TLR4: variants seen among roughly 807,000 people sequenced by gnomAD.
TLR4 encodes the protein toll like receptor 4, also known as toll-like receptor 4.
TLR4 carries 17 observed loss-of-function variants against 27.4 expected under a neutral mutation model. That is an observed-to-expected ratio of 0.62 (90% CI 0.42 to 0.93). The LOEUF is 0.93. TLR4 is among the 40% of genes least tolerant of loss of function. The pLI, the probability that TLR4 is intolerant of heterozygous loss-of-function variation, is 0.00. For synonymous variants in TLR4, 363 were observed against 365.7 expected, an observed-to-expected ratio of 0.99 and a Z score of 0.08; for missense variants, 926 against 962.3, an observed-to-expected ratio of 0.96 and a Z score of 0.50.
intron 1 of TLR4, among the ~76,000 whole-genome samples, chr9:117,707,254 A>G (rs577526962): frequency 4.6e-5 from 7 of 152,294 alleles, no homozygotes; most frequent in Non-Finnish European, 8.8e-5. Context: ...CAGACATACG[A>G]ATGAAGATCT....
rs1423906207 is a variant in TLR4 at position 117,717,575 on chromosome 9, C to T, written c.*2927C>T. The T allele has an allele frequency of 6.6e-6, 1 of 152,082 alleles. No individual in the cohort carries two copies. The highest frequency in any genetic ancestry group is 1.5e-5 in the Non-Finnish European group (1 of 68,012). The allele number at this position is 152,082 out of a possible 1,614,324, so 9.4% of individuals were successfully genotyped here. The stretch of plus-strand genomic sequence containing the variant: ...AGTGAAACTGTGGATAAGTGAGGAA[C>T]TAACATACATACATGATTGTTTATC... On this transcript the variant is annotated 3_prime_UTR_variant, in exon 3 of 3. Coordinates refer to ENST00000355622, the MANE Select transcript of TLR4 (RefSeq NM_138554.5).
At chr9:117,709,491 G>T (rs900052061) in intron 2 of TLR4, among the ~76,000 whole-genome samples, 1 of 152,080 alleles carries the variant, frequency 6.6e-6, no homozygotes, top group Non-Finnish European at 1.5e-5. Context: ...CTTTTCTGAT[G>T]CAGGGAAGTA....
chr9:117,708,986 A>G, intron 2 of TLR4: 1 of 436,250 alleles, frequency 2.3e-6, no homozygotes, highest in Non-Finnish European at 4.2e-6. Flanking sequence ...CTTTTAAGAC[A>G]GGAGAGAAAA....
In TLR4 at chr9:117,714,556, C is replaced by T. The variant is rs199923181; in HGVS notation, c.2428C>T (p.Arg810Ter). The change falls in exon 3 of 3, where the codon CGA becomes TGA. Residue 810 changes from arginine to a stop codon, truncating the protein, a stop_gained. Coordinates refer to ENST00000355622, the MANE Select transcript of TLR4 (RefSeq NM_138554.5). LOFTEE classifies it low-confidence loss of function (END_TRUNC). ...CCTGGGGCGGCACATCTTCTGGAGA[C>T]GACTCAGAAAAGCCCTGCTGGATGG... ...SVLGRHIFWRRLRKALLDGKS... is the reference protein window; with the variant it reads ...SVLGRHIFWR The T allele has an allele frequency of 1.9e-5, 31 of 1,613,648 alleles. No individual in the cohort carries two copies. The highest frequency in any genetic ancestry group is 8.0e-5 in the African/African-American group (6 of 74,856).
rs1179556198 is a variant in TLR4 at position 117,722,068 on chromosome 9, A to T, written c.*7420A>T. 6.6e-6 allele frequency: 1 copy of T among 152,184 alleles called. No homozygotes were observed. Among genetic ancestry groups the T allele is most frequent in the Non-Finnish European group, 1.5e-5 (1 of 68,036 alleles). 9.4% of individuals were successfully genotyped at this position (152,184 alleles called of 1,614,324 possible). On this transcript the variant is annotated 3_prime_UTR_variant, in exon 3 of 3. Transcript: ENST00000355622. ...TCATCCTGGGTAGCTGAGACCCCAC[A>T]TAAATATATACCAGAAAAATGTTGT... is the stretch of plus-strand genomic sequence containing the variant.
rs137989969 is a variant in TLR4, at chr9:117,719,063, T to G, written c.*4415T>G. ...ACCAAAGTCTAAGCCAGTGTCTCCATTTACTTGTGTGATTGTGGGCAAGTC... is the reference window on the plus strand; with the variant it reads ...ACCAAAGTCTAAGCCAGTGTCTCCAGTTACTTGTGTGATTGTGGGCAAGTC... On this transcript the variant is annotated 3_prime_UTR_variant, in exon 3 of 3. Coordinates refer to ENST00000355622, the MANE Select transcript of TLR4 (RefSeq NM_138554.5). The G allele has an allele frequency of 3.9e-5, 6 of 152,148 alleles. No individual in the cohort carries two copies. In the East Asian group the frequency reaches 1.2e-3, roughly 29 times the overall value. The allele number at this position is 152,148 out of a possible 1,614,324, so 9.4% of individuals were successfully genotyped here.
At position 117,712,285 on chromosome 9, in the gene TLR4, C is replaced by T; in HGVS notation, c.261-104C>T. 2.6e-6 allele frequency: 3 copies of T among 1,133,572 alleles called. No homozygotes were observed. The East Asian group carries it at 7.7e-5, about 29-fold the overall frequency. 70.2% of individuals were successfully genotyped at this position (1,133,572 alleles called of 1,614,324 possible). A position where few individuals can be genotyped will look rare whatever the true frequency, so the allele number is the denominator to read the frequency against. On this transcript the variant is annotated intron_variant, in intron 2 of 2. Transcript: ENST00000355622. ...TCTTTGCCTATGCACAATCATATGA[C>T]CCATCACATCTGTATGAAGAGCTGG...
intron 2 of TLR4, 58 bp from the exon 3 acceptor site, chr9:117,712,331 A>G: frequency 6.6e-7 from 1 of 1,512,304 alleles, no homozygotes; most frequent in Non-Finnish European, 9.1e-7. Flanking sequence ...TTAATATTCT[A>G]TTTTAGGTTC....
rs201587364 is a variant in TLR4, at chr9:117,714,360, C to T, written c.2232C>T (p.Ser744=). ...IVVVSQHFIQ[S]RWCIFEYEIA... ...TGGTGTCCCAGCACTTCATCCAGAG[C>T]CGCTGGTGTATCTTTGAATATGAGA... The change falls in exon 3 of 3, where the codon AGC becomes AGT. Residue 744 remains serine (S), a synonymous_variant. Transcript: ENST00000355622. 1 of 1,602,352 alleles carries T rather than the reference C, an allele frequency of 6.2e-7. No homozygotes were observed. Among genetic ancestry groups the T allele is most frequent in the Non-Finnish European group, 8.5e-7 (1 of 1,170,186 alleles).
Position 117,712,767 on chromosome 9 carries a change from C to T in TLR4, c.639C>T (p.Asn213=). The part of the protein sequence containing the change: ...LLNLSLDLSL[N]PMNFIQPGAF... ...ATCTCTCTTTAGACCTGTCCCTGAA[C>T]CCTATGAACTTTATCCAACCAGGTG... Residue 213 remains asparagine, a synonymous_variant, in exon 3 of 3, where the codon AAC becomes AAT. Coordinates refer to ENST00000355622, the MANE Select transcript of TLR4 (RefSeq NM_138554.5). 3 of 1,614,012 alleles carry T rather than the reference C, an allele frequency of 1.9e-6. No individual in the cohort carries two copies.
rs756601543 is a variant in TLR4 at position 117,708,560 on chromosome 9, C to T, written c.94-3C>T. On this transcript the variant is annotated splice_region_variant and splice_polypyrimidine_tract_variant and intron_variant, in intron 1 of 2. Transcript: ENST00000355622. ...TACTTCATGTCATGTGTAATCATTG[C>T]AGGTGGTTCCTAATATTACTTATCA... 3.7e-6 allele frequency: 6 copies of T among 1,613,712 alleles called. No homozygotes were observed. The Admixed American group carries it at 8.3e-5, about 22-fold the overall frequency.
Position 117,713,676 on chromosome 9 carries a change from T to C in TLR4, c.1548T>C (p.Phe516=), listed in dbSNP as rs751386104. 4.3e-6 allele frequency: 7 copies of C among 1,614,042 alleles called. No individual in the cohort carries two copies. In the East Asian group the frequency reaches 1.6e-4, roughly 36 times the overall value. Residue 516 remains phenylalanine (F), a synonymous_variant, in exon 3 of 3, where the codon TTT becomes TTC. Coordinates refer to ENST00000355622, the MANE Select transcript of TLR4 (RefSeq NM_138554.5). ...CQLEQLSPTA[F]NSLSSLQVLN... ...TGGAGCAGTTGTCTCCAACAGCATT[T>C]AACTCACTCTCCAGTCTTCAGGTAC...
At chr9:117,707,018 C>T (rs943484072) in intron 1 of TLR4, among the ~76,000 whole-genome samples, 2 of 152,192 alleles carry the variant, frequency 1.3e-5, no homozygotes, top group African/African-American at 4.8e-5. Flanking sequence ...CAACCATTTG[C>T]CAGACACCAT....
Position 117,717,118 on chromosome 9 carries a change from T to C in TLR4, c.*2470T>C, listed in dbSNP as rs1829361777. ...AGGGCTGTGTGTATTTGAAAGTGTG[T>C]GTGTCCGCATGATCATATCTGTATA... On this transcript the variant is annotated 3_prime_UTR_variant, in exon 3 of 3. Coordinates refer to ENST00000355622, the MANE Select transcript of TLR4 (RefSeq NM_138554.5). 6.6e-6 allele frequency: 1 copy of C among 152,140 alleles called. No homozygotes were observed. Among genetic ancestry groups the C allele is most frequent in the Admixed American group, 6.6e-5 (1 of 15,266 alleles). The allele number at this position is 152,140 out of a possible 1,614,324, so 9.4% of individuals were successfully genotyped here.
In TLR4 at chr9:117,719,882, C is replaced by G. The variant is rs550071179; in HGVS notation, c.*5234C>G. 3 of 152,226 alleles carry G rather than the reference C, an allele frequency of 2.0e-5. No homozygotes were observed. The highest frequency in any genetic ancestry group is 2.1e-4 in the South Asian group (1 of 4,824). The allele number at this position is 152,226 out of a possible 1,614,324, so 9.4% of individuals were successfully genotyped here. The stretch of plus-strand genomic sequence containing the variant: ...GGAACCAACTATATTGAGCACCATG[C>G]GTGATCATCTGATCGTTACTGCTAC... On this transcript the variant is annotated 3_prime_UTR_variant, in exon 3 of 3. Transcript: ENST00000355622.
chr9:117,707,073 C>A (rs1465252303), intron 1 of TLR4, among the ~76,000 whole-genome samples: 1 of 152,164 alleles, frequency 6.6e-6, no homozygotes, highest in Non-Finnish European at 1.5e-5. Flanking sequence ...ATCAAACTTG[C>A]AATGGAATAC....
rs11536873 is a variant in TLR4, at chr9:117,708,868, A to G, written c.260+139A>G. The G allele has an allele frequency of 1.1e-3, 1,296 of 1,145,424 alleles. 9 individuals are homozygous for G. In the African/African-American group the frequency reaches 0.018, roughly 16 times the overall value. The allele number at this position is 1,145,424 out of a possible 1,614,324, so 71.0% of individuals were successfully genotyped here. A position where few individuals can be genotyped will look rare whatever the true frequency, so the allele number is the denominator to read the frequency against. ...TCATACAACAGATGTCTTATTAACT[A>G]TATAACCTTGAGCAAGCTACCTCTA... On this transcript the variant is annotated intron_variant, in intron 2 of 2. Transcript: ENST00000355622.
Position 117,716,883 on chromosome 9 carries a change from T to C in TLR4, c.*2235T>C, listed in dbSNP as rs1381527893. 6.6e-6 allele frequency: 1 copy of C among 152,176 alleles called. No individual in the cohort carries two copies. Among genetic ancestry groups the C allele is most frequent in the Non-Finnish European group, 1.5e-5 (1 of 68,020 alleles). 9.4% of individuals were successfully genotyped at this position (152,176 alleles called of 1,614,324 possible). On this transcript the variant is annotated 3_prime_UTR_variant, in exon 3 of 3. Coordinates refer to ENST00000355622, the MANE Select transcript of TLR4 (RefSeq NM_138554.5). ...TTTTATAATATCAATTATGTCTGAA[T>C]GAAGCTATAAAAAAGAAAAGACAAC...
At position 117,715,346 on chromosome 9, in the gene TLR4, A is replaced by T. The variant is rs1829326209; in HGVS notation, c.*698A>T. 1 of 152,312 alleles carries T rather than the reference A, an allele frequency of 6.6e-6. No homozygotes were observed. Among genetic ancestry groups the T allele is most frequent in the South Asian group, 2.1e-4 (1 of 4,838 alleles). The allele number at this position is 152,312 out of a possible 1,614,324, so 9.4% of individuals were successfully genotyped here. On this transcript the variant is annotated 3_prime_UTR_variant, in exon 3 of 3. Transcript: ENST00000355622. ...AATATCATAAATAAGGTTGTTTAAG[A>T]CGTGCTTCAAATATCCATATTAACC...
Sources: gnomAD v4.1 joint callset for allele counts (sites outside exome capture counted in the v4.1 genomes callset) on GRCh38, gnomAD v4.1.1 for gene constraint, MANE v1.5 for transcripts, NCBI Gene and HGNC (gene_info 2026-07-23, HGNC 2026-07-21) for gene names.